Variants in SLC1A2 observed in about 807,000 individuals in gnomAD.
SLC1A2 encodes solute carrier family 1 member 2.
SLC1A2 carries 15 observed loss-of-function variants against 48.8 expected under a neutral mutation model. That is an observed-to-expected ratio of 0.31 (90% CI 0.21 to 0.47). The LOEUF is 0.47. Ranked by LOEUF, SLC1A2 falls within the 20% of genes least tolerant of loss-of-function variation. SLC1A2 has a pLI of 0.99. For synonymous variants in SLC1A2, 279 were observed against 272.6 expected (o/e 1.02, Z -0.23); for missense variants, 502 against 730.5 (o/e 0.69, Z 3.61).
At chr11:35,284,144 A>G (rs1850739100) in intron 8 of SLC1A2, among the ~76,000 whole-genome samples, 1 of 142,080 alleles carries the variant, frequency 7.0e-6, no homozygotes. Context: ...AGTATAGTAT[A>G]GTGGAGGCAG....
chr11:35,368,990 T>A (rs1316339492), intron 1 of SLC1A2, among the ~76,000 whole-genome samples: 1 of 152,254 alleles, frequency 6.6e-6, no homozygotes, highest in Non-Finnish European at 1.5e-5. Flanking sequence ...GTTCCATTTC[T>A]ACACTTCTTG....
intron 9 of SLC1A2, among the ~76,000 whole-genome samples, chr11:35,279,100 G>A (rs995212525): frequency 6.6e-6 from 1 of 152,234 alleles, no homozygotes; most frequent in East Asian, 1.9e-4. Flanking sequence ...AAGTCAGGCA[G>A]TTTGAAAAAT....
At position 35,273,506 on chromosome 11, in the gene SLC1A2, A is replaced by G. The variant is rs567955871; in HGVS notation, c.1421+7361T>C. Among the ~76,000 whole-genome samples, 4 of 152,198 alleles carry G rather than the reference A, an allele frequency of 2.6e-5. No individual in the cohort carries two copies. The East Asian group carries it at 7.7e-4, about 29-fold the overall frequency. On this transcript the variant is annotated intron_variant, in intron 9 of 10. Transcript: ENST00000278379. The stretch of plus-strand genomic sequence containing the variant: ...GCTAACATGTATTGAGTGCTTGTCA[A>G]CCAAGAGGTCCTCCACCAAGGCTGT...
In SLC1A2 at chr11:35,259,305, A is replaced by G. The variant is rs10768122; in HGVS notation, c.*1589T>C. The G allele has an allele frequency of 0.33, 50,919 of 152,464 alleles. 9,517 individuals are homozygous for G. The highest frequency in any genetic ancestry group is 0.54 in the South Asian group (2,577 of 4,816). The allele number at this position is 152,464 out of a possible 1,614,324, so 9.4% of individuals were successfully genotyped here. ...CTCAGCATCCCTCCGCTGGTTTCAT[A>G]TAATACAGCCTATTCTCACCTATAA... On this transcript the variant is annotated 3_prime_UTR_variant, in exon 11 of 11. Coordinates refer to ENST00000278379, the MANE Select transcript of SLC1A2 (RefSeq NM_004171.4).
chr11:35,369,808 C>A (rs1189888118), intron 1 of SLC1A2, among the ~76,000 whole-genome samples: 1 of 152,168 alleles, frequency 6.6e-6, no homozygotes, highest in African/African-American at 2.4e-5. Flanking sequence ...CAGGCAGGAG[C>A]TGGGGCAGGA....
At chr11:35,376,287 T>C (rs891556299) in intron 1 of SLC1A2, among the ~76,000 whole-genome samples, 7 of 151,820 alleles carry the variant, frequency 4.6e-5, no homozygotes, top group Admixed American at 2.6e-4. Context: ...TACAGAGACA[T>C]GACAACTAAA....
intron 1 of SLC1A2, among the ~76,000 whole-genome samples, chr11:35,343,615 T>C (rs1390739137): frequency 6.6e-6 from 1 of 152,180 alleles, no homozygotes; most frequent in Non-Finnish European, 1.5e-5. Flanking sequence ...CTTCTGGCTC[T>C]GGTGTCAAGA....
intron 1 of SLC1A2, among the ~76,000 whole-genome samples, chr11:35,394,570 C>T (rs921449348): frequency 6.6e-6 from 1 of 152,220 alleles, no homozygotes; most frequent in Non-Finnish European, 1.5e-5. Flanking sequence ...AGGCTGACCC[C>T]TTCTGTTTCC....
chr11:35,312,348 A>C lies in SLC1A2; in HGVS notation c.411T>G (p.Ile137Met). The change falls in exon 4 of 11, where the codon ATT (isoleucine) becomes ATG (methionine). Residue 137 changes from isoleucine to methionine, a missense_variant. By Grantham distance (10) the Ile-to-Met change is conservative. This residue lies in a region of SLC1A2 where 309 missense variants were observed against 480.3 expected (regional missense o/e 0.64). Coordinates refer to ENST00000278379, the MANE Select transcript of SLC1A2 (RefSeq NM_004171.4). The part of the protein sequence containing the change: ...TTIIAAVLGV[I>M]LVLAIHPGNP... ...TGCCTGGATGGATAGCCAAGACCAG[A>C]ATGACCCCCAGTACTGCAGCAATGA... 5 of 1,614,160 alleles carry C rather than the reference A, an allele frequency of 3.1e-6. No individual in the cohort carries two copies. The highest frequency in any genetic ancestry group is 4.2e-6 in the Non-Finnish European group (5 of 1,180,010).
intron 1 of SLC1A2, among the ~76,000 whole-genome samples, chr11:35,382,409 C>G (rs750379554): frequency 2.7e-4 from 41 of 152,242 alleles, no homozygotes; most frequent in South Asian, 4.1e-4. Flanking sequence ...CCAGTGAAAT[C>G]TTTGTTTAGC....
At chr11:35,283,990 C>T (rs1039630823) in intron 8 of SLC1A2, among the ~76,000 whole-genome samples, 2 of 150,840 alleles carry the variant, frequency 1.3e-5, no homozygotes, top group Admixed American at 6.6e-5. Flanking sequence ...ACCATGTTCT[C>T]AGCCACCCTA....
At chr11:35,307,396 C>T (rs1565230018) in intron 4 of SLC1A2, 2 of 152,278 alleles carry the variant, frequency 1.3e-5, no homozygotes, top group South Asian at 4.1e-4. Flanking sequence ...TGTCAGATGA[C>T]TCACAAGGAA....
intron 9 of SLC1A2, among the ~76,000 whole-genome samples, chr11:35,267,463 A>G (rs1850126870): frequency 6.6e-6 from 1 of 152,244 alleles, no homozygotes; most frequent in Admixed American, 6.5e-5. Context: ...TCTATGATGT[A>G]TAATTTTAAT....
intron 7 of SLC1A2, 52 bp from the exon 8 acceptor site, chr11:35,287,003 A>G: frequency 7.1e-7 from 1 of 1,407,572 alleles, no homozygotes; most frequent in East Asian, 2.3e-5. Context: ...TTAGAGAAGC[A>G]GGACAATGCA....
At chr11:35,392,424 G>T (rs1038428945) in intron 1 of SLC1A2, 1 of 152,268 alleles carries the variant, frequency 6.6e-6, no homozygotes, top group African/African-American at 2.4e-5. Flanking sequence ...TGTCCAGGGC[G>T]GTGGAAGTCA....
chr11:35,417,487 C>T (rs949007396), intron 1 of SLC1A2, among the ~76,000 whole-genome samples: 5 of 152,188 alleles, frequency 3.3e-5, no homozygotes, highest in African/African-American at 1.2e-4. Context: ...TCTTTCATAT[C>T]TTTTCTAATA....
chr11:35,392,040 T>C (rs1467482354), intron 1 of SLC1A2, among the ~76,000 whole-genome samples: 1 of 152,188 alleles, frequency 6.6e-6, no homozygotes, highest in African/African-American at 2.4e-5. Flanking sequence ...AATAACAAAA[T>C]AGTTTGCAGA....
At chr11:35,411,374 A>C (rs1855455085) in intron 1 of SLC1A2, among the ~76,000 whole-genome samples, 1 of 152,166 alleles carries the variant, frequency 6.6e-6, no homozygotes, top group South Asian at 2.1e-4. Flanking sequence ...AGTTTGTTTA[A>C]TTGGGTTTTG....
chr11:35,408,546 C>T (rs977881049), intron 1 of SLC1A2, among the ~76,000 whole-genome samples: 6 of 152,180 alleles, frequency 3.9e-5, no homozygotes, highest in South Asian at 4.1e-4. Flanking sequence ...CGCCATGAAT[C>T]GGAGGCCTCC....
Sources: gnomAD v4.1 joint callset for allele counts (sites outside exome capture counted in the v4.1 genomes callset) on GRCh38, gnomAD v4.1.1 for gene constraint, gnomAD v4.1.1 regional missense constraint, MANE v1.5 for transcripts, NCBI Gene and HGNC (gene_info 2026-07-23, HGNC 2026-07-21) for gene names.